The following MAST4 variants were observed in gnomAD, a reference collection of about 807,000 sequenced individuals.
MAST4 encodes the protein microtubule associated serine/threonine kinase family member 4.
A neutral mutation model predicts 162.7 loss-of-function variants in MAST4; 89 were observed. The observed-to-expected ratio is 0.55, with a 90% CI of 0.46 to 0.65. MAST4 has a LOEUF of 0.65. Ranked by LOEUF, MAST4 falls within the 30% of genes least tolerant of loss-of-function variation. The pLI is 0.00. For missense variants in MAST4, 3,153 were observed against 3,374.0 expected, an observed-to-expected ratio of 0.93 and a Z score of 1.62; for synonymous variants, 1,479 against 1,361.1, an observed-to-expected ratio of 1.09 and a Z score of -1.91.
intron 2 of MAST4, among the ~76,000 whole-genome samples, chr5:66,779,715 A>G (rs917513694): frequency 1.3e-5 from 2 of 152,188 alleles, no homozygotes; most frequent in African/African-American, 2.4e-5. Flanking sequence ...GAGGGAAGAA[A>G]TGTTTAGGAG....
In MAST4 at chr5:66,910,741, C is replaced by CTTTGTTTTTTTTTTTTTTTTTTTTTTTTT. The variant is rs1763690763; in HGVS notation, c.674+10762_674+10763insGTTTTTTTTTTTTTTTTTTTTTTTTTTTT. Among the ~76,000 whole-genome samples the CTTTGTTTTTTTTTTTTTTTTTTTTTTTTT allele has an allele frequency of 2.0e-3, 40 of 20,098 alleles. 1 individual carries two copies. The highest frequency in any genetic ancestry group is 8.5e-3 in the Admixed American group (13 of 1,524). The allele number at this position is 20,098 out of a possible 152,430, so 13.2% of individuals were successfully genotyped here. A position where few individuals can be genotyped will look rare whatever the true frequency, so the allele number is the denominator to read the frequency against. On this transcript the variant is annotated intron_variant, in intron 4 of 28. Transcript: ENST00000403625. ...GAATACACATGTGGTTTTTTTTTTTCTTTTTTTTTTTTTCTTTTTTTTTTT... is the reference window on the plus strand; with the variant it reads ...GAATACACATGTGGTTTTTTTTTTTCTTTGTTTTTTTTTTTTTTTTTTTTTTTTTTTTTTTTTTTTTTCTTTTTTTTTTT...
At chr5:67,080,974 T>G (rs1018749473) in intron 5 of MAST4, among the ~76,000 whole-genome samples, 1 of 133,444 alleles carries the variant, frequency 7.5e-6, no homozygotes, top group African/African-American at 2.9e-5. Context: ...GTATATATTA[T>G]ATAATATATA....
At chr5:66,881,158 A>G (rs1042825265) in intron 3 of MAST4, among the ~76,000 whole-genome samples, 1 of 152,146 alleles carries the variant, frequency 6.6e-6, no homozygotes, top group African/African-American at 2.4e-5. Context: ...TGAATTTTCT[A>G]TTGTTTTGAA....
At chr5:66,965,656 A>G (rs981369658) in intron 4 of MAST4, among the ~76,000 whole-genome samples, 2 of 151,758 alleles carry the variant, frequency 1.3e-5, no homozygotes, top group Non-Finnish European at 2.9e-5. Context: ...AAAGCATAGT[A>G]TATGGTAGAA....
intron 1 of MAST4, among the ~76,000 whole-genome samples, chr5:66,722,164 A>C (rs370601528): frequency 2.0e-5 from 3 of 152,140 alleles, no homozygotes; most frequent in African/African-American, 7.2e-5. Flanking sequence ...AGTTTTGAGT[A>C]AAAACCAAAA....
intron 2 of MAST4, among the ~76,000 whole-genome samples, chr5:66,760,940 A>G (rs1305177269): frequency 6.6e-6 from 1 of 152,222 alleles, no homozygotes; most frequent in African/African-American, 2.4e-5. Flanking sequence ...CCTCATGAAT[A>G]TGTATAAATT....
chr5:67,107,846 G>A (rs1024497294), intron 10 of MAST4, among the ~76,000 whole-genome samples: 3 of 152,170 alleles, frequency 2.0e-5, no homozygotes, highest in African/African-American at 7.2e-5. Flanking sequence ...AAAATACATA[G>A]GAAGCTCTAA....
chr5:67,021,930 T>A (rs1225424574), intron 4 of MAST4, among the ~76,000 whole-genome samples: 1 of 152,228 alleles, frequency 6.6e-6, no homozygotes, highest in Non-Finnish European at 1.5e-5. Context: ...GAAGAAATTA[T>A]AAGAGCATTA....
At chr5:67,011,871 TGA>T (rs1239897135) in intron 4 of MAST4, among the ~76,000 whole-genome samples, 1 of 151,446 alleles carries the variant, frequency 6.6e-6, no homozygotes, top group African/African-American at 2.4e-5. Context: ...GAGGAAAGAG[TGA>T]GAGAGAAGGG....
At chr5:66,622,420 C>CTTT (rs35612725) in intron 1 of MAST4, among the ~76,000 whole-genome samples, 23,590 of 141,622 alleles carry the variant, frequency 0.17, 2,314 homozygotes, top group Non-Finnish European at 0.21. Context: ...CCTTGTAAGG[C>CTTT]TTTTTTTTTT....
At chr5:67,007,330 G>T (rs114480056) in intron 4 of MAST4, among the ~76,000 whole-genome samples, 5,034 of 152,158 alleles carry the variant, frequency 0.033, 111 homozygotes, top group Non-Finnish European at 0.053. Flanking sequence ...CTTTCTGTTC[G>T]CAAGTTGTTC....
chr5:66,799,245 A>G (rs1755799508), intron 3 of MAST4, among the ~76,000 whole-genome samples: 2 of 152,166 alleles, frequency 1.3e-5, no homozygotes, highest in South Asian at 4.1e-4. Flanking sequence ...CCTGGACAAT[A>G]CCTGTCTGTA....
chr5:67,073,908 G>A (rs1209053354), intron 5 of MAST4, among the ~76,000 whole-genome samples: 1 of 151,990 alleles, frequency 6.6e-6, no homozygotes, highest in Admixed American at 6.6e-5. Flanking sequence ...ATATATTTAG[G>A]ATGGAGAAAT....
At chr5:67,002,928 A>T (rs1454943007) in intron 4 of MAST4, among the ~76,000 whole-genome samples, 1 of 149,896 alleles carries the variant, frequency 6.7e-6, no homozygotes, top group Non-Finnish European at 1.5e-5. Context: ...ATGTCCTCAG[A>T]CATTTTTAAT....
At chr5:66,927,897 A>G (rs1033143117) in intron 4 of MAST4, among the ~76,000 whole-genome samples, 1 of 152,178 alleles carries the variant, frequency 6.6e-6, no homozygotes, top group Non-Finnish European at 1.5e-5. Flanking sequence ...TGCCTCTTCT[A>G]GCTTCTGGTG....
chr5:66,643,084 C>G (rs904003429), intron 1 of MAST4, among the ~76,000 whole-genome samples: 3 of 152,124 alleles, frequency 2.0e-5, no homozygotes, highest in Admixed American at 1.3e-4. Flanking sequence ...CTGACACGCT[C>G]AGATCTGTAT....
intron 26 of MAST4, among the ~76,000 whole-genome samples, chr5:67,158,986 A>T (rs527803285): frequency 1.3e-5 from 2 of 152,362 alleles, no homozygotes; most frequent in African/African-American, 2.4e-5. Context: ...GTGAGCCGAG[A>T]TCGTGCCATT....
In MAST4 at chr5:67,166,647, G is replaced by A. The variant is rs772692326; in HGVS notation, c.7468G>A (p.Gly2490Ser). The A allele has an allele frequency of 1.3e-6, 2 of 1,600,002 alleles. No homozygotes were observed. The highest frequency in any genetic ancestry group is 1.7e-6 in the Non-Finnish European group (2 of 1,173,492). ...CACCTCTTCTGCCAAGGCCGCCGGG[G>A]GCATGCTGGAGCTTCCAGCCCCCAG... The part of the protein sequence containing the change: ...SDTSSAKAAG[G>S]MLELPAPSNR... Residue 2490 changes from glycine to serine, a missense_variant, in exon 29 of 29, where the codon GGC (glycine) becomes AGC (serine). By Grantham distance (56) the Gly-to-Ser change is moderately conservative. Around this residue, in one of 7 missense-constraint regions of MAST4, gnomAD observed 1,644 missense variants for 1,495.0 expected, o/e 1.10. Transcript: ENST00000403625.
chr5:66,969,825 T>C (rs754733486), intron 4 of MAST4, among the ~76,000 whole-genome samples: 1 of 152,198 alleles, frequency 6.6e-6, no homozygotes, highest in Non-Finnish European at 1.5e-5. Flanking sequence ...CTTTTTACAA[T>C]GAGAGGTCCC....
Sources: gnomAD v4.1 joint callset for allele counts (sites outside exome capture counted in the v4.1 genomes callset) on GRCh38, gnomAD v4.1.1 for gene constraint, gnomAD v4.1.1 regional missense constraint, MANE v1.5 for transcripts, NCBI Gene and HGNC (gene_info 2026-07-23, HGNC 2026-07-21) for gene names.